Variants in LTBP1 observed in about 807,000 individuals in gnomAD.
LTBP1 encodes latent transforming growth factor beta binding protein 1, also known as latent-transforming growth factor beta-binding protein 1.
In LTBP1, 129 loss-of-function variants were observed where a neutral mutation model predicts 207.6. The observed-to-expected ratio is 0.62, with a 90% CI of 0.54 to 0.72. The LOEUF (loss-of-function observed/expected upper bound fraction) is 0.72, where lower values mean the gene tolerates loss of function less well. Ranked by LOEUF, LTBP1 falls within the 30% of genes least tolerant of loss-of-function variation. The pLI, the probability that LTBP1 is intolerant of heterozygous loss-of-function variation, is 0.00. For synonymous variants in LTBP1, 963 were observed against 833.7 expected (o/e 1.16, Z -2.67); for missense variants, 2,281 against 2,217.2 (o/e 1.03, Z -0.58).
intron 2 of LTBP1, among the ~76,000 whole-genome samples, chr2:32,967,417 A>G (rs1279173836): frequency 2.0e-5 from 3 of 151,844 alleles, no homozygotes; most frequent in Non-Finnish European, 4.4e-5. Flanking sequence ...TAGATTATTA[A>G]TTTTAGATCT....
At chr2:33,380,259 A>T (rs2095196572) in intron 31 of LTBP1, among the ~76,000 whole-genome samples, 1 of 152,100 alleles carries the variant, frequency 6.6e-6, no homozygotes, top group African/African-American at 2.4e-5. Flanking sequence ...TCTTTCCAAG[A>T]GTTTTGCAGC....
chr2:33,032,659 A>G (rs2075743705), intron 3 of LTBP1, among the ~76,000 whole-genome samples: 1 of 152,230 alleles, frequency 6.6e-6, no homozygotes, highest in Non-Finnish European at 1.5e-5. Context: ...TTAAAATAAT[A>G]TAAAATAAGT....
rs577013186 is a variant in LTBP1 at position 33,145,574 on chromosome 2, T to C, written c.1201+10614T>C. 3.9e-5 allele frequency among the ~76,000 whole-genome samples: 6 copies of C among 152,370 alleles called. No homozygotes were observed. In the South Asian group the frequency reaches 8.3e-4, roughly 21 times the overall value. On this transcript the variant is annotated intron_variant, in intron 5 of 33. Transcript: ENST00000404816. ...ATTAGAATATGTCACTTTTCGCCAC[T>C]GCATTGTCCTTTTCTGAAGAAAGGA...
At chr2:33,105,421 A>G (rs1349430875) in intron 3 of LTBP1, among the ~76,000 whole-genome samples, 1 of 151,884 alleles carries the variant, frequency 6.6e-6, no homozygotes, top group South Asian at 2.1e-4. Flanking sequence ...CTGAGACTTC[A>G]AATCATATGT....
intron 7 of LTBP1, among the ~76,000 whole-genome samples, chr2:33,202,908 C>T (rs1257776623): frequency 6.6e-6 from 1 of 152,198 alleles, no homozygotes; most frequent in Non-Finnish European, 1.5e-5. Context: ...GCAGAGAGCT[C>T]AGTTGGAGTG....
At position 33,182,697 on chromosome 2, in the gene LTBP1, TATACACACACAC is replaced by T. The variant is rs1449318012; in HGVS notation, c.1202-4157_1202-4146del. ...AGAAGAAAAGATGGTGATATATATA[TATACACACACAC>T]ACACACACACACACACACACACACA... is the stretch of plus-strand genomic sequence containing the variant. On this transcript the variant is annotated intron_variant, in intron 5 of 33. Transcript: ENST00000404816. Among the ~76,000 whole-genome samples the T allele has an allele frequency of 5.7e-5, 5 of 87,874 alleles. 1 individual carries two copies. The highest frequency in any genetic ancestry group is 1.2e-4 in the Non-Finnish European group (5 of 40,922). The allele number at this position is 87,874 out of a possible 152,430, so 57.6% of individuals were successfully genotyped here. A position where few individuals can be genotyped will look rare whatever the true frequency, so the allele number is the denominator to read the frequency against.
intron 31 of LTBP1, among the ~76,000 whole-genome samples, chr2:33,373,267 A>G (rs1300603013): frequency 6.6e-6 from 1 of 152,238 alleles, no homozygotes; most frequent in Non-Finnish European, 1.5e-5. Flanking sequence ...AAATTGAAAA[A>G]TGTTAACAAA....
At chr2:33,206,543 A>G (rs1482449654) in intron 7 of LTBP1, among the ~76,000 whole-genome samples, 2 of 152,172 alleles carry the variant, frequency 1.3e-5, no homozygotes, top group Non-Finnish European at 1.5e-5. Flanking sequence ...GATCGAGACC[A>G]TCCTGGCCGA....
At chr2:33,394,943 G>GT (rs2095345686) in intron 32 of LTBP1, among the ~76,000 whole-genome samples, 1 of 152,170 alleles carries the variant, frequency 6.6e-6, no homozygotes, top group African/African-American at 2.4e-5. Context: ...TCCTGCGTTA[G>GT]TTTGCTAAGG....
At chr2:33,071,890 G>T (rs761741405) in intron 3 of LTBP1, among the ~76,000 whole-genome samples, 3 of 152,150 alleles carry the variant, frequency 2.0e-5, no homozygotes, top group Non-Finnish European at 4.4e-5. Context: ...ATCTGACACC[G>T]GATGTGTGGG....
intron 5 of LTBP1, among the ~76,000 whole-genome samples, chr2:33,164,017 T>C (rs192752275): frequency 1.0e-3 from 154 of 152,178 alleles, no homozygotes; most frequent in African/African-American, 3.5e-3. Context: ...GCACACTCAC[T>C]ATAAGAACAA....
At chr2:33,181,616 A>G (rs1207489775) in intron 5 of LTBP1, among the ~76,000 whole-genome samples, 1 of 152,188 alleles carries the variant, frequency 6.6e-6, no homozygotes, top group Non-Finnish European at 1.5e-5. Context: ...CTCTGATGCA[A>G]TATAGTGAAT....
At chr2:33,138,295 C>T (rs572154782) in intron 5 of LTBP1, among the ~76,000 whole-genome samples, 1 of 152,166 alleles carries the variant, frequency 6.6e-6, no homozygotes, top group Non-Finnish European at 1.5e-5. Context: ...TAATGCAACT[C>T]TAAAAGTGAG....
chr2:32,969,866 G>A (rs1680599728), intron 2 of LTBP1, among the ~76,000 whole-genome samples: 1 of 152,174 alleles, frequency 6.6e-6, no homozygotes, highest in African/African-American at 2.4e-5. Flanking sequence ...CACAGTGGCT[G>A]AACTAATTTA....
At chr2:33,059,485 G>A (rs1558578472) in intron 3 of LTBP1, among the ~76,000 whole-genome samples, 1 of 152,152 alleles carries the variant, frequency 6.6e-6, no homozygotes, top group South Asian at 2.1e-4. Context: ...TGCCATGTCC[G>A]TGGTGCCCAG....
chr2:33,397,128 T>C lies in LTBP1; in HGVS notation c.4835-5T>C, dbSNP rs766809225. 6 of 1,613,092 alleles carry C rather than the reference T, an allele frequency of 3.7e-6. No homozygotes were observed. In the East Asian group the frequency reaches 1.3e-4, roughly 36 times the overall value. On this transcript the variant is annotated splice_polypyrimidine_tract_variant and splice_region_variant and intron_variant, in intron 32 of 33. Coordinates refer to ENST00000404816, the MANE Select transcript of LTBP1 (RefSeq NM_206943.4). ...CTAACTTAGCTTCTGCCCTTTCCTT[T>C]CCAGGTTTTCTAAATAGCTTTGAGG...
intron 28 of LTBP1, 33 bp downstream of exon 28, chr2:33,361,548 A>G: frequency 7.0e-7 from 1 of 1,426,940 alleles, no homozygotes; most frequent in South Asian, 1.2e-5. Context: ...TTTTCAGCAC[A>G]TTGTGTACAT....
intron 33 of LTBP1, among the ~76,000 whole-genome samples, chr2:33,397,674 A>ATTTTTTTTTTTTTT: frequency 8.5e-6 from 1 of 117,498 alleles, no homozygotes. Context: ...CACCCGGCTA[A>ATTTTTTTTTTTTTT]TTTTTTTTTT....
intron 2 of LTBP1, among the ~76,000 whole-genome samples, chr2:33,000,069 A>C (rs1021581692): frequency 3.0e-5 from 4 of 134,124 alleles, no homozygotes; most frequent in Non-Finnish European, 4.9e-5. Context: ...CATTGTTAAC[A>C]AGTTCTCCCA....
Sources: gnomAD v4.1 joint callset for allele counts (sites outside exome capture counted in the v4.1 genomes callset) on GRCh38, gnomAD v4.1.1 for gene constraint, MANE v1.5 for transcripts, NCBI Gene and HGNC (gene_info 2026-07-23, HGNC 2026-07-21) for gene names.